The following GPHN variants were observed in gnomAD, a reference collection of about 807,000 sequenced individuals.
GPHN encodes the protein gephyrin.
GPHN carries 17 observed loss-of-function variants against 95.5 expected under a neutral mutation model. That is an observed-to-expected ratio of 0.18 (90% confidence interval 0.12 to 0.27). The LOEUF is 0.27. GPHN is among the 10% of genes least tolerant of loss of function. GPHN has a pLI of 1.00. For synonymous variants in GPHN, 320 were observed against 322.5 expected, an observed-to-expected ratio of 0.99 and a Z score of 0.08; for missense variants, 660 against 978.1, an observed-to-expected ratio of 0.67 and a Z score of 4.34.
At position 67,078,572 on chromosome 14, in the gene GPHN, G is replaced by C; in HGVS notation, c.1145-10411G>C. On this transcript the variant is annotated intron_variant, in intron 11 of 22. Coordinates refer to ENST00000478722, the MANE Select transcript of GPHN (RefSeq NM_020806.5). ...AAGGGATGGTTTCACATCTGTGTAA[G>C]TATCTGTACGAATGCAAGAGAGACA... is the stretch of plus-strand genomic sequence containing the variant. 1.3e-5 allele frequency among the ~76,000 whole-genome samples: 2 copies of C among 152,164 alleles called. 1 individual carries two copies. The highest frequency in any genetic ancestry group is 3.8e-4 in the East Asian group (2 of 5,204).
At chr14:66,868,097 ATAACT>A (rs758138310) in intron 4 of GPHN, among the ~76,000 whole-genome samples, 29 of 152,326 alleles carry the variant, frequency 1.9e-4, no homozygotes, top group Non-Finnish European at 3.8e-4. Context: ...TCTCACTTTG[ATAACT>A]TAACAAAGTT....
chr14:66,537,381 T>A (rs2059180234), intron 1 of GPHN, among the ~76,000 whole-genome samples: 1 of 152,156 alleles, frequency 6.6e-6, no homozygotes, highest in Non-Finnish European at 1.5e-5. Context: ...GCTCATTAGC[T>A]TTTCAGTTAT....
intron 1 of GPHN, among the ~76,000 whole-genome samples, chr14:66,577,574 C>G (rs2060959709): frequency 6.6e-6 from 1 of 152,098 alleles, no homozygotes; most frequent in Non-Finnish European, 1.5e-5. Context: ...CAACCAAAGT[C>G]TCAGTGATAT....
At chr14:66,601,236 A>T (rs2062225563) in intron 1 of GPHN, among the ~76,000 whole-genome samples, 1 of 152,042 alleles carries the variant, frequency 6.6e-6, no homozygotes, top group Admixed American at 6.5e-5. Context: ...AATTTAAGGT[A>T]GTTTGAAATA....
intron 1 of GPHN, among the ~76,000 whole-genome samples, chr14:66,573,916 T>C (rs2060802771): frequency 6.6e-6 from 1 of 152,214 alleles, no homozygotes; most frequent in East Asian, 1.9e-4. Context: ...GAATCTCTTG[T>C]AGGCAGCATG....
At chr14:66,988,296 T>G (rs946211965) in intron 9 of GPHN, among the ~76,000 whole-genome samples, 1 of 152,044 alleles carries the variant, frequency 6.6e-6, no homozygotes, top group African/African-American at 2.4e-5. Flanking sequence ...TCTTATACAA[T>G]TGTATACTTT....
the GPHN span, among the ~76,000 whole-genome samples, chr14:67,366,317 C>T: frequency 2.0e-5 from 3 of 152,186 alleles, no homozygotes; most frequent in African/African-American, 7.2e-5. Flanking sequence ...AGCGATTCTC[C>T]TGCCTTGGCC....
chr14:66,517,913 C>A (rs1174748707), intron 1 of GPHN, among the ~76,000 whole-genome samples: 1 of 151,770 alleles, frequency 6.6e-6, no homozygotes, highest in Non-Finnish European at 1.5e-5. Context: ...CTCAAAAGCA[C>A]AGGCAAAAAA....
chr14:67,197,370 G>C, the GPHN span: 1 of 152,156 alleles, frequency 6.6e-6, no homozygotes, highest in Admixed American at 6.5e-5. Context: ...GAGATTTGAT[G>C]GTTCTTACAG....
At chr14:66,671,155 A>G (rs933723630) in intron 1 of GPHN, among the ~76,000 whole-genome samples, 1 of 152,210 alleles carries the variant, frequency 6.6e-6, no homozygotes, top group Non-Finnish European at 1.5e-5. Context: ...TTATTGGCAC[A>G]TACTAATCTT....
chr14:66,994,331 A>T (rs1594759066), intron 9 of GPHN, among the ~76,000 whole-genome samples: 1 of 152,104 alleles, frequency 6.6e-6, no homozygotes, highest in Admixed American at 6.6e-5. Context: ...ACGCCATTGC[A>T]CTCCAGCCTG....
chr14:67,170,638 G>A (rs1011347245), intron 21 of GPHN, among the ~76,000 whole-genome samples: 2 of 152,276 alleles, frequency 1.3e-5, no homozygotes, highest in South Asian at 4.1e-4. Context: ...TGTTGTTCCT[G>A]ATGGTGTCCA....
At chr14:67,139,860 A>G (rs35842972) in intron 17 of GPHN, among the ~76,000 whole-genome samples, 2 of 152,130 alleles carry the variant, frequency 1.3e-5, no homozygotes, top group African/African-American at 2.4e-5. Flanking sequence ...AGCAGTGACA[A>G]TGGACAAGAT....
chr14:67,580,759 G>A, the GPHN span: 2 of 575,148 alleles, frequency 3.5e-6, no homozygotes, highest in Non-Finnish European at 6.2e-6. Context: ...CTCTGTTTGT[G>A]AGGGAGCTGC....
chr14:66,716,273 T>A (rs1453724667), intron 2 of GPHN, among the ~76,000 whole-genome samples: 1 of 152,222 alleles, frequency 6.6e-6, no homozygotes, highest in Non-Finnish European at 1.5e-5. Context: ...TTGTCTTTTT[T>A]AATTGCTGTT....
At chr14:67,038,384 G>A (rs2074534295) in intron 10 of GPHN, among the ~76,000 whole-genome samples, 1 of 151,958 alleles carries the variant, frequency 6.6e-6, no homozygotes, top group African/African-American at 2.4e-5. Flanking sequence ...ACAATAATAT[G>A]CATATATTGT....
chr14:67,474,640 C>G, the GPHN span, among the ~76,000 whole-genome samples: 1 of 152,220 alleles, frequency 6.6e-6, no homozygotes, highest in Admixed American at 6.5e-5. Context: ...TGTTGTGCAA[C>G]TGTCACCACC....
rs535790785 is a variant in GPHN, at chr14:66,762,747, C to T, written c.144-13717C>T. ...GTAGATTCTAATTCTCTTTTCTTCCCGAGTAAAGTGGAAGCAAAGACTCTT... is the reference window on the plus strand; with the variant it reads ...GTAGATTCTAATTCTCTTTTCTTCCTGAGTAAAGTGGAAGCAAAGACTCTT... On this transcript the variant is annotated intron_variant, in intron 2 of 22. Coordinates refer to ENST00000478722, the MANE Select transcript of GPHN (RefSeq NM_020806.5). Among the ~76,000 whole-genome samples the T allele has an allele frequency of 1.3e-4, 20 of 152,072 alleles. No homozygotes were observed. The South Asian group carries it at 2.1e-3, about 16-fold the overall frequency.
At chr14:67,096,616 C>CTT (rs200466980) in intron 12 of GPHN, among the ~76,000 whole-genome samples, 1,663 of 134,710 alleles carry the variant, frequency 0.012, 20 homozygotes, top group Non-Finnish European at 0.019. Flanking sequence ...TCAAAGCAGT[C>CTT]TTTTTTTTTT....
Sources: allele counts gnomAD v4.1 joint callset (sites outside exome capture counted in the v4.1 genomes callset), GRCh38; gene constraint gnomAD v4.1.1; transcripts MANE v1.5; gene names NCBI Gene and HGNC (gene_info 2026-07-23, HGNC 2026-07-21).